Variants in XKR6 observed in about 807,000 individuals in gnomAD.
The protein encoded by XKR6 is XK-related protein 6.
A neutral mutation model predicts 56.7 loss-of-function variants in XKR6; 22 were observed. The observed-to-expected ratio is 0.39, with a 90% CI of 0.28 to 0.55. XKR6 has a LOEUF of 0.55. XKR6 is among the 20% of genes least tolerant of loss of function. The pLI is 0.66. For synonymous variants in XKR6, 524 were observed against 387.8 expected, an observed-to-expected ratio of 1.35 and a Z score of -4.13; for missense variants, 852 against 889.0, an observed-to-expected ratio of 0.96 and a Z score of 0.53.
chr8:11,173,434 C>T (rs888898611), intron 1 of XKR6, among the ~76,000 whole-genome samples: 1 of 151,158 alleles, frequency 6.6e-6, no homozygotes, highest in Admixed American at 6.6e-5. Flanking sequence ...TATATAACAG[C>T]TCCCAGAGAA....
chr8:10,969,968 T>C (rs980299938), intron 1 of XKR6, among the ~76,000 whole-genome samples: 4 of 152,228 alleles, frequency 2.6e-5, no homozygotes, highest in Admixed American at 6.5e-5. Context: ...AACCCCATGC[T>C]GACCCCAGAG....
chr8:11,053,847 C>T (rs1216723225), intron 1 of XKR6, among the ~76,000 whole-genome samples: 2 of 152,184 alleles, frequency 1.3e-5, no homozygotes, highest in East Asian at 1.9e-4. Flanking sequence ...GAAGAGAAGG[C>T]GAGATATTAC....
intron 1 of XKR6, among the ~76,000 whole-genome samples, chr8:11,038,987 C>T (rs1367380436): frequency 2.0e-5 from 3 of 152,208 alleles, no homozygotes; most frequent in African/African-American, 4.8e-5. Context: ...GTTGTCGACG[C>T]CACCCCCAGC....
chr8:10,957,827 G>A (rs1391107993), intron 1 of XKR6, among the ~76,000 whole-genome samples: 4 of 152,156 alleles, frequency 2.6e-5, no homozygotes, highest in African/African-American at 7.2e-5. Context: ...GTTGGTTTGG[G>A]TCCAGAAACT....
intron 2 of XKR6, among the ~76,000 whole-genome samples, chr8:10,913,976 G>A (rs1800483677): frequency 6.6e-6 from 1 of 152,162 alleles, no homozygotes; most frequent in Admixed American, 6.5e-5. Flanking sequence ...GCAAGAGGCT[G>A]GGAATGCAGT....
At chr8:11,162,110 T>C (rs1209937603) in intron 1 of XKR6, among the ~76,000 whole-genome samples, 2 of 152,210 alleles carry the variant, frequency 1.3e-5, no homozygotes, top group African/African-American at 4.8e-5. Context: ...ATAGAAAGCT[T>C]TTTATTTGCT....
chr8:10,938,064 G>A (rs866070605), intron 1 of XKR6, among the ~76,000 whole-genome samples: 4 of 152,184 alleles, frequency 2.6e-5, no homozygotes, highest in East Asian at 1.9e-4. Flanking sequence ...CTCCGTGGGC[G>A]TAGGACCCTC....
chr8:11,171,792 C>T (rs1802385036), intron 1 of XKR6, among the ~76,000 whole-genome samples: 2 of 152,068 alleles, frequency 1.3e-5, no homozygotes. Flanking sequence ...GTGACTCACG[C>T]CTGTAATCCC....
intron 1 of XKR6, among the ~76,000 whole-genome samples, chr8:11,167,199 C>T (rs999037050): frequency 3.9e-5 from 6 of 152,204 alleles, no homozygotes. Flanking sequence ...TTTGTCAGAA[C>T]TCTGGAAAAC....
intron 1 of XKR6, among the ~76,000 whole-genome samples, chr8:11,187,310 A>G (rs57474767): frequency 0.092 from 14,037 of 152,278 alleles, 787 homozygotes; most frequent in South Asian, 0.19. Context: ...AAGAAAGGTA[A>G]GAAATGTCAC....
At chr8:10,994,950 C>A (rs987397636) in intron 1 of XKR6, among the ~76,000 whole-genome samples, 1 of 152,188 alleles carries the variant, frequency 6.6e-6, no homozygotes, top group Non-Finnish European at 1.5e-5. Flanking sequence ...TCCAGTGTCA[C>A]AAGTCCCATC....
chr8:11,150,796 T>C (rs1196493019), intron 1 of XKR6, among the ~76,000 whole-genome samples: 1 of 137,062 alleles, frequency 7.3e-6, no homozygotes, highest in African/African-American at 3.0e-5. Context: ...GAAGTCACAG[T>C]GAACCAAGAT....
chr8:10,990,865 T>C (rs1797974274), intron 1 of XKR6, among the ~76,000 whole-genome samples: 1 of 149,532 alleles, frequency 6.7e-6, no homozygotes, highest in South Asian at 2.1e-4. Context: ...TTACAGGTGT[T>C]CATCACCATG....
chr8:11,123,229 T>G (rs1162502049), intron 1 of XKR6, among the ~76,000 whole-genome samples: 11 of 135,852 alleles, frequency 8.1e-5, no homozygotes, highest in African/African-American at 3.4e-4. Context: ...AGAGTGACTC[T>G]GTGTAGAAGG....
chr8:11,045,339 T>C (rs1799384020), intron 1 of XKR6, among the ~76,000 whole-genome samples: 1 of 151,834 alleles, frequency 6.6e-6, no homozygotes, highest in African/African-American at 2.4e-5. Context: ...CTACCCATCT[T>C]GGCCTCCCAG....
At chr8:11,156,238 G>A (rs927919193) in intron 1 of XKR6, among the ~76,000 whole-genome samples, 1 of 152,058 alleles carries the variant, frequency 6.6e-6, no homozygotes, top group Admixed American at 6.6e-5. Flanking sequence ...GGCCTTTGTC[G>A]GTTTTTCTCC....
intron 1 of XKR6, among the ~76,000 whole-genome samples, chr8:11,089,457 C>A (rs1265858721): frequency 6.6e-6 from 1 of 151,898 alleles, no homozygotes; most frequent in South Asian, 2.1e-4. Flanking sequence ...ACAGCAAGAC[C>A]CCACCTCTAC....
intron 1 of XKR6, among the ~76,000 whole-genome samples, chr8:10,985,877 A>G (rs1407435774): frequency 6.6e-6 from 1 of 152,206 alleles, no homozygotes; most frequent in Non-Finnish European, 1.5e-5. Flanking sequence ...GAGCGCTGGG[A>G]TTACAGGCAT....
At chr8:11,149,611 G>GT (rs1156452857) in intron 1 of XKR6, among the ~76,000 whole-genome samples, 1 of 150,262 alleles carries the variant, frequency 6.7e-6, no homozygotes, top group East Asian at 2.0e-4. Context: ...TATGCTTCAC[G>GT]TTAAAAAAAA....
Sources: allele counts gnomAD v4.1 joint callset (sites outside exome capture counted in the v4.1 genomes callset), GRCh38; gene constraint gnomAD v4.1.1; transcripts MANE v1.5; gene names NCBI Gene and HGNC (gene_info 2026-07-23, HGNC 2026-07-21).